The following KANSL1 variants were observed in gnomAD, a reference collection of about 807,000 sequenced individuals.
The protein encoded by KANSL1 is KAT8 regulatory NSL complex subunit 1.
Under a neutral mutation model 103.6 loss-of-function variants are expected in KANSL1, and 22 were observed. That is an observed-to-expected ratio of 0.21 (90% confidence interval 0.15 to 0.30). The LOEUF (loss-of-function observed/expected upper bound fraction) is 0.30. Among genes scored for constraint, KANSL1 ranks in the 10% least tolerant of loss-of-function variants. The pLI, the probability that KANSL1 is intolerant of heterozygous loss-of-function variation, is 1.00. For synonymous variants in KANSL1, 600 were observed against 527.6 expected (o/e 1.14, Z -1.88); for missense variants, 1,337 against 1,399.8 (o/e 0.96, Z 0.72).
At chr17:46,186,298 G>A (rs2047031327) in intron 1 of KANSL1, among the ~76,000 whole-genome samples, 1 of 151,618 alleles carries the variant, frequency 6.6e-6, no homozygotes, top group South Asian at 2.1e-4. Flanking sequence ...CAGGAGAATG[G>A]CATGAACCCA....
At chr17:46,071,798 T>C (rs2078586422) in intron 4 of KANSL1, among the ~76,000 whole-genome samples, 1 of 152,176 alleles carries the variant, frequency 6.6e-6, no homozygotes, top group African/African-American at 2.4e-5. Flanking sequence ...TGAATTTTAT[T>C]TGATGTTGAG....
At chr17:46,069,674 A>G (rs2078505679) in intron 4 of KANSL1, among the ~76,000 whole-genome samples, 1 of 152,086 alleles carries the variant, frequency 6.6e-6, no homozygotes. Context: ...GAACCCAGGA[A>G]GTGGAGGTTG....
intron 2 of KANSL1, among the ~76,000 whole-genome samples, chr17:46,151,519 T>C (rs1212446476): frequency 1.3e-5 from 2 of 152,236 alleles, no homozygotes; most frequent in African/African-American, 2.4e-5. Flanking sequence ...TTATATCTCT[T>C]TATAGCACTT....
At chr17:46,189,145 C>G (rs1307825080) in intron 1 of KANSL1, among the ~76,000 whole-genome samples, 2 of 149,596 alleles carry the variant, frequency 1.3e-5, no homozygotes, top group Admixed American at 1.3e-4. Context: ...CCCCGGAGTT[C>G]AGGCACTCTA....
intron 3 of KANSL1, among the ~76,000 whole-genome samples, chr17:46,084,206 ACC>A (rs1355268179): frequency 2.0e-5 from 3 of 146,924 alleles, no homozygotes; most frequent in Non-Finnish European, 4.6e-5. Flanking sequence ...ACATGGTGAA[ACC>A]CCATCTTTAC....
In KANSL1 at chr17:46,171,597, G is replaced by C. The variant is rs1385046346; in HGVS notation, c.547C>G (p.Leu183Val). The C allele has an allele frequency of 1.3e-6, 2 of 1,588,328 alleles. No homozygotes were observed. Among genetic ancestry groups the C allele is most frequent in the Admixed American group, 1.9e-5 (1 of 53,698 alleles). The part of the protein sequence containing the change: ...STSLNGGKRA[L>V]TSSALHGGEM... ...CCCCCATGAAGAGCAGATGAAGTGA[G>C]AGCCCGTTTTCCCCCATTGAGGGAA... The change falls in exon 2 of 15, where the codon CTC becomes GTC. Residue 183 changes from leucine (L) to valine (V), a missense_variant. Coordinates refer to ENST00000432791, the MANE Select transcript of KANSL1 (RefSeq NM_015443.4).
chr17:46,207,078 C>T (rs2047993438), intron 1 of KANSL1, among the ~76,000 whole-genome samples: 1 of 151,998 alleles, frequency 6.6e-6, no homozygotes, highest in African/African-American at 2.4e-5. Context: ...AGCAATATAG[C>T]AAGACCCTGT....
At chr17:46,177,284 A>C (rs2046566322) in intron 1 of KANSL1, among the ~76,000 whole-genome samples, 1 of 152,240 alleles carries the variant, frequency 6.6e-6, no homozygotes. Context: ...TGGAAACAAA[A>C]AGGAAACATA....
intron 6 of KANSL1, among the ~76,000 whole-genome samples, chr17:46,056,927 C>G (rs1568396344): frequency 1.3e-5 from 2 of 152,154 alleles, no homozygotes; most frequent in Admixed American, 6.5e-5. Context: ...CCCTACTCCC[C>G]CAATTTGTGA....
intron 6 of KANSL1, among the ~76,000 whole-genome samples, chr17:46,056,070 C>A (rs1180791014): frequency 1.3e-5 from 2 of 152,152 alleles, no homozygotes; most frequent in African/African-American, 4.8e-5. Flanking sequence ...GCGATCTCGG[C>A]TCACTGCAAC....
At chr17:46,110,346 C>T (rs980645632) in intron 2 of KANSL1, among the ~76,000 whole-genome samples, 1 of 152,154 alleles carries the variant, frequency 6.6e-6, no homozygotes, top group African/African-American at 2.4e-5. Context: ...TTACTCCATG[C>T]AAAACACTGG....
intron 10 of KANSL1, chr17:46,038,122 C>T (rs1235234754): frequency 5.9e-6 from 1 of 170,264 alleles, no homozygotes. Context: ...GGAAATCAAA[C>T]ACTGCTTCCA....
At chr17:46,160,652 T>C (rs1177082391) in intron 2 of KANSL1, among the ~76,000 whole-genome samples, 2 of 152,220 alleles carry the variant, frequency 1.3e-5, no homozygotes, top group African/African-American at 4.8e-5. Context: ...ACTCATATTG[T>C]AGGCTTAAGG....
At chr17:46,166,649 G>A (rs1313822411) in intron 2 of KANSL1, among the ~76,000 whole-genome samples, 1 of 152,150 alleles carries the variant, frequency 6.6e-6, no homozygotes, top group Non-Finnish European at 1.5e-5. Context: ...ACAGACTTCA[G>A]GAGACTATTA....
intron 6 of KANSL1, among the ~76,000 whole-genome samples, chr17:46,065,624 C>G (rs546232201): frequency 6.6e-6 from 1 of 152,244 alleles, no homozygotes; most frequent in Non-Finnish European, 1.5e-5. Context: ...CACCAAATTA[C>G]CAAACTACTA....
intron 2 of KANSL1, among the ~76,000 whole-genome samples, chr17:46,124,916 G>A (rs2043447263): frequency 6.6e-6 from 1 of 151,332 alleles, no homozygotes; most frequent in South Asian, 2.1e-4. Flanking sequence ...CAAGACACAG[G>A]TCGAAAAAGT....
chr17:46,144,901 T>A (rs2044618824), intron 2 of KANSL1, among the ~76,000 whole-genome samples: 1 of 152,194 alleles, frequency 6.6e-6, no homozygotes, highest in African/African-American at 2.4e-5. Flanking sequence ...TACCTCACAT[T>A]CGTTGGATGC....
At position 46,045,308 on chromosome 17, in the gene KANSL1, A is replaced by G. The variant is rs191078659; in HGVS notation, c.2020+5225T>C. The G allele has an allele frequency of 3.0e-3, 459 of 152,288 alleles. 7 individuals carry two copies. The highest frequency in any genetic ancestry group is 0.011 in the African/African-American group (441 of 41,556). 9.4% of individuals were successfully genotyped at this position (152,288 alleles called of 1,614,324 possible). A position where few individuals can be genotyped will look rare whatever the true frequency, so the allele number is the denominator to read the frequency against. On this transcript the variant is annotated intron_variant, in intron 7 of 14. Coordinates refer to ENST00000432791, the MANE Select transcript of KANSL1 (RefSeq NM_015443.4). ...AAATGGACTGCATTCTGAATGTGGCAGTTGTTTGGGTCAAAGCAAAATTAT... is the reference window on the plus strand; with the variant it reads ...AAATGGACTGCATTCTGAATGTGGCGGTTGTTTGGGTCAAAGCAAAATTAT...
At chr17:46,042,489 C>T (rs984585860) in intron 7 of KANSL1, 11 of 152,122 alleles carry the variant, frequency 7.2e-5, no homozygotes, top group Admixed American at 7.2e-4. Context: ...TAATGAGTAA[C>T]AACCAACTTT....
Sources: allele counts gnomAD v4.1 joint callset (sites outside exome capture counted in the v4.1 genomes callset), GRCh38; gene constraint gnomAD v4.1.1; transcripts MANE v1.5; gene names NCBI Gene and HGNC (gene_info 2026-07-23, HGNC 2026-07-21).